Variants in SNX29 observed in about 807,000 individuals in gnomAD.
The protein encoded by SNX29 is sorting nexin-29.
A neutral mutation model predicts 102.1 loss-of-function variants in SNX29; 78 were observed. That is an observed-to-expected ratio of 0.76 (90% CI 0.64 to 0.92). SNX29 has a LOEUF of 0.92. SNX29 is among the 40% of genes least tolerant of loss of function. The probability of loss-of-function intolerance (pLI) is 0.00; values close to 1 mark genes in which losing one functional copy is unlikely to be tolerated. For missense variants in SNX29, 1,280 were observed against 1,061.7 expected (o/e 1.21, Z -2.86); for synonymous variants, 580 against 414.5 (o/e 1.40, Z -4.85).
intron 18 of SNX29, among the ~76,000 whole-genome samples, chr16:12,442,164 TA>T (rs968605810): frequency 4.9e-4 from 74 of 149,612 alleles, no homozygotes; most frequent in African/African-American, 1.6e-3. Flanking sequence ...ACAGTTTGTT[TA>T]AAAAAAAAAC....
chr16:12,420,476 C>G (rs981254616), intron 18 of SNX29, among the ~76,000 whole-genome samples: 8 of 152,096 alleles, frequency 5.3e-5, no homozygotes, highest in African/African-American at 1.4e-4. Context: ...CTGGAGGAAT[C>G]AAACCTCTGC....
chr16:11,977,447 C>T (rs1188045251), intron 1 of SNX29: 2 of 153,060 alleles, frequency 1.3e-5, no homozygotes, highest in Non-Finnish European at 2.9e-5. Context: ...CGGCTTCCCT[C>T]TCCGGTCCTG....
chr16:12,289,266 G>C (rs1027841247), intron 15 of SNX29, among the ~76,000 whole-genome samples: 1 of 152,176 alleles, frequency 6.6e-6, no homozygotes, highest in Non-Finnish European at 1.5e-5. Flanking sequence ...GGAGGAGAAG[G>C]GTCCACTACT....
chr16:12,102,899 C>T (rs919720886), intron 11 of SNX29, among the ~76,000 whole-genome samples: 2 of 152,178 alleles, frequency 1.3e-5, no homozygotes, highest in East Asian at 3.8e-4. Flanking sequence ...AAATCACAAG[C>T]ATTCCTATAC....
At chr16:11,999,397 A>G (rs767898974) in intron 2 of SNX29, 39 bp downstream of exon 2, 3 of 1,595,874 alleles carry the variant, frequency 1.9e-6, no homozygotes, top group Admixed American at 3.3e-5. Flanking sequence ...TGGTCGAGTA[A>G]TAGTGTCAGA....
chr16:12,398,523 A>AC, intron 17 of SNX29, 22 bp downstream of exon 17: 1 of 1,613,896 alleles, frequency 6.2e-7, no homozygotes, highest in Non-Finnish European at 8.5e-7. Context: ...GCCTGTGCTC[A>AC]CAAGGGGTCC....
Position 12,573,117 on chromosome 16 carries a change from A to T in SNX29, c.*4488A>T, listed in dbSNP as rs947296112. 3.7e-4 allele frequency: 85 copies of T among 229,464 alleles called. No homozygotes were observed. The highest frequency in any genetic ancestry group is 1.7e-3 in the African/African-American group (75 of 45,100). The allele number at this position is 229,464 out of a possible 1,614,324, so 14.2% of individuals were successfully genotyped here. On this transcript the variant is annotated 3_prime_UTR_variant, in exon 21 of 21. Coordinates refer to ENST00000566228, the MANE Select transcript of SNX29 (RefSeq NM_032167.5). ...TCATCTTTATGTTTTTCTAATACACAATCTTGATCTTGTTTCCAAAATAAA... is the reference window on the plus strand; with the variant it reads ...TCATCTTTATGTTTTTCTAATACACTATCTTGATCTTGTTTCCAAAATAAA...
At chr16:12,477,276 C>T (rs538457098) in intron 18 of SNX29, among the ~76,000 whole-genome samples, 1 of 152,232 alleles carries the variant, frequency 6.6e-6, no homozygotes, top group African/African-American at 2.4e-5. Flanking sequence ...TCGGTGTGGT[C>T]CCAGGCACCA....
At chr16:12,038,457 G>C (rs148029632) in intron 4 of SNX29, among the ~76,000 whole-genome samples, 2,263 of 152,258 alleles carry the variant, frequency 0.015, 45 homozygotes, top group African/African-American at 0.052. Context: ...TCGGCTTTCA[G>C]GTGTTTGGAG....
intron 6 of SNX29, 57 bp downstream of exon 6, chr16:12,046,511 C>G: frequency 6.4e-7 from 1 of 1,564,442 alleles, no homozygotes; most frequent in Non-Finnish European, 8.8e-7. Flanking sequence ...GAGGGGCTGC[C>G]TTGGGGCAGT....
At chr16:12,144,024 G>A (rs1043223823) in intron 13 of SNX29, among the ~76,000 whole-genome samples, 1 of 152,180 alleles carries the variant, frequency 6.6e-6, no homozygotes, top group Admixed American at 6.5e-5. Context: ...CCGGGGCTCA[G>A]GTTAGAGATT....
chr16:12,283,989 A>C (rs552485884), intron 15 of SNX29, among the ~76,000 whole-genome samples: 5 of 152,350 alleles, frequency 3.3e-5, no homozygotes, highest in Middle Eastern at 3.4e-3. Flanking sequence ...AGAAACAACC[A>C]AGGTTTTGAA....
At chr16:12,463,652 C>G (rs1438123349) in intron 18 of SNX29, among the ~76,000 whole-genome samples, 1 of 152,116 alleles carries the variant, frequency 6.6e-6, no homozygotes, top group Non-Finnish European at 1.5e-5. Flanking sequence ...GGATACAGAA[C>G]CAAACCATAG....
intron 15 of SNX29, among the ~76,000 whole-genome samples, chr16:12,279,042 A>C (rs571660954): frequency 6.6e-6 from 1 of 152,300 alleles, no homozygotes; most frequent in South Asian, 2.1e-4. Context: ...TAAAGTTGAG[A>C]AGCTATGTTT....
At chr16:12,541,129 G>A (rs1316523292) in intron 20 of SNX29, among the ~76,000 whole-genome samples, 1 of 152,072 alleles carries the variant, frequency 6.6e-6, no homozygotes, top group African/African-American at 2.4e-5. Context: ...GGGAGACACA[G>A]GGGGAGGTGA....
At chr16:12,533,834 T>C (rs1487200123) in intron 20 of SNX29, among the ~76,000 whole-genome samples, 2 of 152,222 alleles carry the variant, frequency 1.3e-5, no homozygotes, top group Non-Finnish European at 2.9e-5. Context: ...CTCACCAGGC[T>C]GATTCCTGTT....
rs549866642 is a variant in SNX29, at chr16:12,508,026, C to T, written c.2179-16676C>T. 2.4e-3 allele frequency among the ~76,000 whole-genome samples: 361 copies of T among 152,320 alleles called. 2 individuals carry two copies. The highest frequency in any genetic ancestry group is 2.6e-3 in the Non-Finnish European group (176 of 68,028). On this transcript the variant is annotated intron_variant, in intron 19 of 20. Coordinates refer to ENST00000566228, the MANE Select transcript of SNX29 (RefSeq NM_032167.5). The stretch of plus-strand genomic sequence containing the variant: ...ACCTGGGTTCAAATCCCAGCTCTGA[C>T]GCTAGTTAACGTGGCCAAGGGCAAG...
chr16:12,219,837 T>C (rs1428325510), intron 14 of SNX29, among the ~76,000 whole-genome samples: 1 of 152,224 alleles, frequency 6.6e-6, no homozygotes, highest in Non-Finnish European at 1.5e-5. Flanking sequence ...CCAAGCCACC[T>C]TATAGGTGAT....
At chr16:12,306,004 G>A (rs947113040) in intron 15 of SNX29, among the ~76,000 whole-genome samples, 1 of 151,866 alleles carries the variant, frequency 6.6e-6, no homozygotes, top group East Asian at 2.0e-4. Context: ...TGGAGGACAC[G>A]GTTCTCTCTG....
Sources: gnomAD v4.1 joint callset for allele counts (sites outside exome capture counted in the v4.1 genomes callset) on GRCh38, gnomAD v4.1.1 for gene constraint, MANE v1.5 for transcripts, NCBI Gene and HGNC (gene_info 2026-07-23, HGNC 2026-07-21) for gene names.